Variants in HMCN2 observed in about 807,000 individuals in gnomAD.
The protein encoded by HMCN2 is hemicentin-2.
In HMCN2, 325 loss-of-function variants were observed where a neutral mutation model predicts 377.5. The ratio of observed to expected loss-of-function variants is 0.86; its 90% confidence interval spans 0.79 to 0.94. The LOEUF is 0.94. Among genes scored for constraint, HMCN2 ranks in the 40% least tolerant of loss-of-function variants. The pLI is 0.00. For synonymous variants in HMCN2, 2,007 were observed against 2,046.8 expected (o/e 0.98, Z 0.53); for missense variants, 4,543 against 4,725.3 (o/e 0.96, Z 1.13).
chr9:130,272,389 T>A lies in HMCN2; in HGVS notation c.259+6252T>A, dbSNP rs1269448735. ...CTTAGTAGCTGGGATTACAGATGTG[T>A]GCCACCATGCCTAGCTAATTTTTGT... On this transcript the variant is annotated intron_variant, in intron 1 of 97. Coordinates refer to ENST00000683500, the MANE Select transcript of HMCN2 (RefSeq NM_001291815.2). Among the ~76,000 whole-genome samples the A allele has an allele frequency of 2.7e-5, 4 of 148,302 alleles. No individual in the cohort carries two copies. In the East Asian group the frequency reaches 7.7e-4, roughly 29 times the overall value.
chr9:130,330,904 C>T (rs1210258707), intron 22 of HMCN2, among the ~76,000 whole-genome samples: 4 of 151,046 alleles, frequency 2.6e-5, no homozygotes, highest in South Asian at 4.2e-4. Context: ...CCAAGGAAGG[C>T]GGATCACGAG....
intron 76 of HMCN2, among the ~76,000 whole-genome samples, 181 bp downstream of exon 76, chr9:130,399,813 A>T (rs1842780307): frequency 6.6e-6 from 1 of 152,222 alleles, no homozygotes; most frequent in Admixed American, 6.5e-5. Context: ...GCTCCAGCAC[A>T]GTTCCTGGCA....
At chr9:130,352,020 C>T (rs1839753729) in intron 30 of HMCN2, among the ~76,000 whole-genome samples, 1 of 152,110 alleles carries the variant, frequency 6.6e-6, no homozygotes, top group South Asian at 2.1e-4. Flanking sequence ...CCATGTTGGC[C>T]AGGCTGGCCT....
chr9:130,377,428 G>T (rs1841451373), intron 52 of HMCN2, among the ~76,000 whole-genome samples: 2 of 152,196 alleles, frequency 1.3e-5, no homozygotes, highest in South Asian at 4.1e-4. Context: ...TTAATAAAAA[G>T]TTGAACTCTT....
At position 130,265,925 on chromosome 9, in the gene HMCN2, CGGCAGT is replaced by C. The variant is rs55994950; in HGVS notation, c.63_68del (p.Val22_Ala23del). 183,680 of 427,844 alleles carry C rather than the reference CGGCAGT, an allele frequency of 0.43. 42,873 individuals carry two copies. The highest frequency in any genetic ancestry group is 0.89 in the East Asian group (11,673 of 13,052). The allele number at this position is 427,844 out of a possible 1,614,324, so 26.5% of individuals were successfully genotyped here. On this transcript the variant is annotated inframe_deletion, in exon 1 of 98. Transcript: ENST00000683500. ...CTGCGGCTGCTGACCGCGGTCTCTG[CGGCAGT>C]GGCAGTGGCAGTGGCCGGGGCGCCC...
Position 130,433,845 on chromosome 9 carries a change from C to A in HMCN2, c.*152C>A. Reference sequence around the variant, plus strand: ...CCTTGGGTCAACACGACCCTGCGCACAGCCTTGACCCCCGACAGCGAGGAC... The same window carrying A: ...CCTTGGGTCAACACGACCCTGCGCAAAGCCTTGACCCCCGACAGCGAGGAC... On this transcript the variant is annotated 3_prime_UTR_variant, in exon 98 of 98. Transcript: ENST00000683500. 1 of 650,006 alleles carries A rather than the reference C, an allele frequency of 1.5e-6. No individual in the cohort carries two copies. Among genetic ancestry groups the A allele is most frequent in the Non-Finnish European group, 2.4e-6 (1 of 417,224 alleles). 40.3% of individuals were successfully genotyped at this position (650,006 alleles called of 1,614,324 possible).
intron 96 of HMCN2, 27 bp from the exon 97 acceptor site, chr9:130,432,402 C>G: frequency 6.4e-7 from 1 of 1,550,898 alleles, no homozygotes; most frequent in Non-Finnish European, 8.7e-7. Flanking sequence ...CATCTCCCTC[C>G]CCCGCTTCAC....
chr9:130,286,138 G>A (rs1554927560), intron 3 of HMCN2, 50 bp from the exon 4 acceptor site: 5 of 467,760 alleles, frequency 1.1e-5, no homozygotes, highest in African/African-American at 2.0e-5. Context: ...GCTCACCCCT[G>A]AAGCAGCCGG....
At chr9:130,315,417 A>G (rs1837520806) in intron 15 of HMCN2, among the ~76,000 whole-genome samples, 2 of 83,242 alleles carry the variant, frequency 2.4e-5, no homozygotes, top group Non-Finnish European at 4.7e-5. Flanking sequence ...GTCCCTATGC[A>G]CCAATTATAT....
chr9:130,340,329 C>T lies in HMCN2; in HGVS notation c.3488-782C>T, dbSNP rs1029749694. On this transcript the variant is annotated intron_variant, in intron 23 of 97. Transcript: ENST00000683500. ...CCGCACCTCATTTCATCCCGCAGGG[C>T]GGGAGGGGTTGTGATGAGGGGGAAC... Among the ~76,000 whole-genome samples the T allele has an allele frequency of 5.7e-3, 875 of 152,276 alleles. 8 individuals are homozygous for T. Among genetic ancestry groups the T allele is most frequent in the African/African-American group, 0.02 (830 of 41,572 alleles).
chr9:130,408,714 G>T (rs1473016282), intron 83 of HMCN2, 29 bp from the exon 84 acceptor site: 1 of 1,274,864 alleles, frequency 7.8e-7, no homozygotes, highest in East Asian at 5.6e-5. Flanking sequence ...CCTCTTTTCT[G>T]ACAACTTGCT....
intron 85 of HMCN2, among the ~76,000 whole-genome samples, chr9:130,418,331 C>T (rs909180468): frequency 1.3e-5 from 2 of 152,092 alleles, no homozygotes; most frequent in East Asian, 1.9e-4. Context: ...GAGACTGAGG[C>T]GGGTGGATCA....
intron 74 of HMCN2, among the ~76,000 whole-genome samples, chr9:130,398,273 G>GGT (rs1042918217): frequency 6.6e-6 from 1 of 152,010 alleles, no homozygotes; most frequent in Non-Finnish European, 1.5e-5. Flanking sequence ...AGGTTGCTGT[G>GGT]GTGGGCCCTG....
chr9:130,378,341 G>A (rs889237026), intron 53 of HMCN2, among the ~76,000 whole-genome samples: 3 of 130,362 alleles, frequency 2.3e-5, no homozygotes, highest in Non-Finnish European at 4.9e-5. Flanking sequence ...AGGCTGGGAA[G>A]GGGAGGCTGA....
At chr9:130,295,605 C>T (rs750102269) in intron 5 of HMCN2, 61 bp from the exon 6 acceptor site, 8 of 438,874 alleles carry the variant, frequency 1.8e-5, no homozygotes, top group African/African-American at 4.1e-5. Flanking sequence ...TGGAGACATG[C>T]GGGGCTCCTG....
At chr9:130,415,906 A>G (rs1034470441) in intron 85 of HMCN2, among the ~76,000 whole-genome samples, 3 of 152,004 alleles carry the variant, frequency 2.0e-5, no homozygotes, top group African/African-American at 7.2e-5. Flanking sequence ...CCTTTTCCTG[A>G]TGATATTTCT....
chr9:130,390,080 G>A (rs922438657), intron 62 of HMCN2, among the ~76,000 whole-genome samples: 4 of 152,160 alleles, frequency 2.6e-5, no homozygotes, highest in Admixed American at 1.3e-4. Flanking sequence ...ATCGCCTCTC[G>A]CGGGTCAGGT....
chr9:130,294,863 G>C lies in HMCN2; in HGVS notation c.621G>C (p.Lys207Asn). 1 of 453,364 alleles carries C rather than the reference G, an allele frequency of 2.2e-6. No individual in the cohort carries two copies. Among genetic ancestry groups the C allele is most frequent in the South Asian group, 1.6e-5 (1 of 62,012 alleles). 28.1% of individuals were successfully genotyped at this position (453,364 alleles called of 1,614,324 possible). A position where few individuals can be genotyped will look rare whatever the true frequency, so the allele number is the denominator to read the frequency against. Residue 207 changes from lysine to asparagine, a missense_variant, in exon 5 of 98, where the codon AAG becomes AAC. Physicochemically the swap from Lys to Asn is moderately conservative, Grantham distance 94. Coordinates refer to ENST00000683500, the MANE Select transcript of HMCN2 (RefSeq NM_001291815.2). Reference protein sequence around the residue: ...LDKQQVTEVLKWVESAIQASK... With the variant: ...LDKQQVTEVLNWVESAIQASK... ...CTCATACTTGCCTCCAGGTGCTGAA[G>C]TGGGTGGAGTCAGCGATCCAGGCCT...
intron 22 of HMCN2, among the ~76,000 whole-genome samples, chr9:130,334,772 T>TCTCTCC (rs1838643248): frequency 6.7e-6 from 1 of 149,928 alleles, no homozygotes; most frequent in Admixed American, 6.7e-5. Context: ...TCTCTCTCTC[T>TCTCTCC]CTCTCTCCCT....
Sources: allele counts gnomAD v4.1 joint callset (sites outside exome capture counted in the v4.1 genomes callset), GRCh38; gene constraint gnomAD v4.1.1; transcripts MANE v1.5; gene names NCBI Gene and HGNC (gene_info 2026-07-23, HGNC 2026-07-21).